The following KCNH5 variants were observed in gnomAD, a reference collection of about 807,000 sequenced individuals.
KCNH5 encodes the protein potassium voltage-gated channel subfamily H member 5, also known as voltage-gated delayed rectifier potassium channel KCNH5.
In KCNH5, 46 loss-of-function variants were observed where a neutral mutation model predicts 96.1. That is an observed-to-expected ratio of 0.48 (90% CI 0.38 to 0.61). The LOEUF (loss-of-function observed/expected upper bound fraction) is 0.61, where lower values mean the gene tolerates loss of function less well. Among genes scored for constraint, KCNH5 ranks in the 20% least tolerant of loss-of-function variants. The probability of loss-of-function intolerance (pLI) is 0.00; values close to 1 mark genes in which losing one functional copy is unlikely to be tolerated. For synonymous variants in KCNH5, 439 were observed against 449.8 expected, an observed-to-expected ratio of 0.98 and a Z score of 0.30; for missense variants, 907 against 1,225.8, an observed-to-expected ratio of 0.74 and a Z score of 3.88.
At chr14:62,980,555 T>C (rs889126361) in intron 6 of KCNH5, among the ~76,000 whole-genome samples, 1 of 152,176 alleles carries the variant, frequency 6.6e-6, no homozygotes, top group Non-Finnish European at 1.5e-5. Context: ...TTTGCACCAA[T>C]CTAATATCTT....
chr14:62,826,893 A>G (rs1887239076), intron 8 of KCNH5, among the ~76,000 whole-genome samples: 1 of 152,080 alleles, frequency 6.6e-6, no homozygotes, highest in South Asian at 2.1e-4. Context: ...GAATTTAAAC[A>G]TGAAACGACT....
chr14:62,932,404 T>C (rs1300152508), intron 7 of KCNH5, among the ~76,000 whole-genome samples: 2 of 147,862 alleles, frequency 1.4e-5, no homozygotes, highest in African/African-American at 2.5e-5. Flanking sequence ...GGATTAGAAA[T>C]TGGAATACAC....
chr14:62,817,325 A>G (rs1887008116), intron 8 of KCNH5, among the ~76,000 whole-genome samples: 1 of 144,108 alleles, frequency 6.9e-6, no homozygotes, highest in South Asian at 2.1e-4. Flanking sequence ...GAACAAAATA[A>G]GAAGTTCAAT....
At chr14:62,983,377 C>CAA (rs531608089) in intron 5 of KCNH5, among the ~76,000 whole-genome samples, 11 of 99,288 alleles carry the variant, frequency 1.1e-4, no homozygotes, top group Non-Finnish European at 2.3e-4. Flanking sequence ...GACTCAGTCT[C>CAA]AAAAAAAAAA....
chr14:62,727,775 TAA>T (rs79827478), intron 10 of KCNH5, among the ~76,000 whole-genome samples: 48 of 115,902 alleles, frequency 4.1e-4, no homozygotes, highest in Admixed American at 5.4e-4. Context: ...TACAGTCTGG[TAA>T]AAAAAAAAAA....
intron 5 of KCNH5, among the ~76,000 whole-genome samples, chr14:62,986,395 A>G (rs776956974): frequency 5.3e-5 from 8 of 152,132 alleles, no homozygotes; most frequent in African/African-American, 1.4e-4. Flanking sequence ...ACTATATGCC[A>G]CCCTACCTTC....
chr14:62,745,615 T>C (rs1043373029), intron 10 of KCNH5, among the ~76,000 whole-genome samples: 8 of 152,136 alleles, frequency 5.3e-5, no homozygotes, highest in African/African-American at 1.7e-4. Flanking sequence ...ATCATGTCTG[T>C]AAGGGGTTGG....
At chr14:62,727,775 T>TA (rs79827478) in intron 10 of KCNH5, among the ~76,000 whole-genome samples, 8,377 of 115,958 alleles carry the variant, frequency 0.072, 314 homozygotes, top group East Asian at 0.14. Context: ...TACAGTCTGG[T>TA]AAAAAAAAAA....
At chr14:62,751,316 T>C (rs897460251) in intron 10 of KCNH5, among the ~76,000 whole-genome samples, 1 of 151,924 alleles carries the variant, frequency 6.6e-6, no homozygotes, top group South Asian at 2.1e-4. Context: ...AGTTTTGGGG[T>C]AAGAGAGGCC....
intron 8 of KCNH5, among the ~76,000 whole-genome samples, chr14:62,808,891 T>C (rs1288969221): frequency 6.6e-6 from 1 of 152,104 alleles, no homozygotes; most frequent in Non-Finnish European, 1.5e-5. Flanking sequence ...TGTAATAAAC[T>C]ATAGAACTCT....
chr14:62,867,237 A>C (rs1208731073), intron 7 of KCNH5, among the ~76,000 whole-genome samples: 1 of 152,148 alleles, frequency 6.6e-6, no homozygotes, highest in Non-Finnish European at 1.5e-5. Flanking sequence ...GTGATAAGTA[A>C]AAATAGCCTC....
chr14:62,845,442 T>C (rs1026383218), intron 8 of KCNH5, among the ~76,000 whole-genome samples: 3 of 151,816 alleles, frequency 2.0e-5, no homozygotes, highest in African/African-American at 7.2e-5. Context: ...GATATAAACA[T>C]AAATAGATAG....
At chr14:62,776,620 C>T (rs1886101847) in intron 10 of KCNH5, among the ~76,000 whole-genome samples, 1 of 152,182 alleles carries the variant, frequency 6.6e-6, no homozygotes, top group Non-Finnish European at 1.5e-5. Context: ...GCCCACAAAT[C>T]CAAAATTGTT....
chr14:63,040,043 G>A (rs1177440231), intron 1 of KCNH5, among the ~76,000 whole-genome samples: 2 of 152,066 alleles, frequency 1.3e-5, no homozygotes, highest in Non-Finnish European at 2.9e-5. Flanking sequence ...CTACACTCTG[G>A]AGAATGCAGA....
intron 7 of KCNH5, among the ~76,000 whole-genome samples, chr14:62,879,959 A>C (rs1888459574): frequency 6.6e-6 from 1 of 152,174 alleles, no homozygotes; most frequent in African/African-American, 2.4e-5. Context: ...TCTGCTACAT[A>C]AGAACATTTT....
At chr14:62,738,300 T>C (rs10149875) in intron 10 of KCNH5, among the ~76,000 whole-genome samples, 1 of 151,854 alleles carries the variant, frequency 6.6e-6, no homozygotes, top group Non-Finnish European at 1.5e-5. Context: ...ATACAAAATG[T>C]TTTTTTTCTA....
intron 7 of KCNH5, among the ~76,000 whole-genome samples, chr14:62,935,025 G>A (rs951335075): frequency 6.6e-6 from 1 of 152,148 alleles, no homozygotes; most frequent in Non-Finnish European, 1.5e-5. Flanking sequence ...AGAGTGGCCA[G>A]TACAGCCATA....
chr14:62,830,053 T>G (rs990113294), intron 8 of KCNH5, among the ~76,000 whole-genome samples: 8 of 152,308 alleles, frequency 5.3e-5, no homozygotes, highest in Admixed American at 3.9e-4. Context: ...GTTCCATACA[T>G]CTCTAGGGCA....
chr14:62,995,678 A>C lies in KCNH5; in HGVS notation c.433+5653T>G, dbSNP rs145211656. ...TGTCCACTCACTATTCCACTCTCTTAGATAACTAGTTCAGACGCACTCCAC... is the reference window on the plus strand; with the variant it reads ...TGTCCACTCACTATTCCACTCTCTTCGATAACTAGTTCAGACGCACTCCAC... On this transcript the variant is annotated intron_variant, in intron 4 of 10. Transcript: ENST00000322893. Among the ~76,000 whole-genome samples the C allele has an allele frequency of 5.8e-4, 88 of 152,234 alleles. 1 individual carries two copies. The highest frequency in any genetic ancestry group is 2.0e-3 in the African/African-American group (85 of 41,556).
Sources: gnomAD v4.1 joint callset for allele counts (sites outside exome capture counted in the v4.1 genomes callset) on GRCh38, gnomAD v4.1.1 for gene constraint, MANE v1.5 for transcripts, NCBI Gene and HGNC (gene_info 2026-07-23, HGNC 2026-07-21) for gene names.